Variants in MYOM1 observed in about 807,000 individuals in gnomAD.
The protein encoded by MYOM1 is myomesin-1.
Under a neutral mutation model 205.3 loss-of-function variants are expected in MYOM1, and 164 were observed. That is an observed-to-expected ratio of 0.80 (90% CI 0.70 to 0.91). The LOEUF (loss-of-function observed/expected upper bound fraction) is 0.91. Ranked by LOEUF, MYOM1 falls within the 40% of genes least tolerant of loss-of-function variation. The probability of loss-of-function intolerance (pLI) is 0.00; values close to 1 mark genes in which losing one functional copy is unlikely to be tolerated. For synonymous variants in MYOM1, 772 were observed against 789.4 expected, an observed-to-expected ratio of 0.98 and a Z score of 0.37; for missense variants, 2,011 against 2,127.3, an observed-to-expected ratio of 0.95 and a Z score of 1.08.
At position 3,090,732 on chromosome 18, in the gene MYOM1, T is replaced by C; in HGVS notation, c.3935A>G (p.Asp1312Gly). 4.3e-6 allele frequency: 7 copies of C among 1,613,968 alleles called. No homozygotes were observed. Among genetic ancestry groups the C allele is most frequent in the Non-Finnish European group, 5.9e-6 (7 of 1,179,866 alleles). Reference protein sequence around the residue: ...EMFMEKLQDEDEGTYTFQLQD... With the variant: ...EMFMEKLQDEGEGTYTFQLQD... ...AAGCTGGAAAGTGTACGTTCCCTCA[T>C]CCTCATCCTGTAGCTTTTCCATGAA... Residue 1312 changes from aspartate (D) to glycine (G), a missense_variant, in exon 27 of 38, where the codon GAT (aspartate) becomes GGT (glycine). Asp to Gly is a moderately conservative substitution (Grantham distance 94). Transcript: ENST00000356443.
At chr18:3,226,727 T>C in the MYOM1 span, among the ~76,000 whole-genome samples, 6 of 152,284 alleles carry the variant, frequency 3.9e-5, no homozygotes, top group Admixed American at 3.3e-4. This position sits in a 1 kb window ranked among gnomAD's most constrained non-coding sequence, Gnocchi z 4.6. Flanking sequence ...GGGATCTCTA[T>C]GGCTAGGTGC....
chr18:3,231,143 G>C, the MYOM1 span, among the ~76,000 whole-genome samples: 1 of 152,182 alleles, frequency 6.6e-6, no homozygotes, highest in African/African-American at 2.4e-5. Context: ...GGTCATTTCT[G>C]ATCTAAAGGT....
intron 22 of MYOM1, among the ~76,000 whole-genome samples, chr18:3,106,788 A>C (rs1427325283): frequency 6.6e-6 from 1 of 152,202 alleles, no homozygotes. Context: ...ATGCCACTGC[A>C]CTCCAGCCTG....
intron 29 of MYOM1, among the ~76,000 whole-genome samples, chr18:3,088,333 A>G (rs1399681445): frequency 1.3e-5 from 2 of 152,250 alleles, no homozygotes; most frequent in African/African-American, 4.8e-5. Flanking sequence ...TGAGGGCTTC[A>G]GCTGCTGCCA....
chr18:3,151,061 C>T (rs1011254545), intron 12 of MYOM1, among the ~76,000 whole-genome samples: 2 of 137,412 alleles, frequency 1.5e-5, no homozygotes, highest in African/African-American at 2.7e-5. Flanking sequence ...AGGTTGGTCT[C>T]AGAACTCCTA....
the MYOM1 span, among the ~76,000 whole-genome samples, chr18:3,230,174 G>T: frequency 6.6e-6 from 1 of 152,020 alleles, no homozygotes; most frequent in African/African-American, 2.4e-5. Flanking sequence ...CATTATTTGA[G>T]ACCTATTGTG....
chr18:3,071,044 C>A (rs529070090), intron 37 of MYOM1, among the ~76,000 whole-genome samples: 1 of 152,216 alleles, frequency 6.6e-6, no homozygotes, highest in African/African-American at 2.4e-5. Context: ...CAGGCGTGAG[C>A]CACTGTGCCC....
chr18:3,131,504 G>C lies in MYOM1; in HGVS notation c.2385-8C>G. ...AATCCATGACAAGTGAATCTAAAAG[G>C]AAAACAAGTTTTAAAAAATTTTCCT... On this transcript the variant is annotated splice_region_variant and splice_polypyrimidine_tract_variant and intron_variant, in intron 16 of 37. Coordinates refer to ENST00000356443, the MANE Select transcript of MYOM1 (RefSeq NM_003803.4). 1.2e-6 allele frequency: 2 copies of C among 1,607,832 alleles called. No individual in the cohort carries two copies. Among genetic ancestry groups the C allele is most frequent in the Non-Finnish European group, 1.7e-6 (2 of 1,177,538 alleles).
intron 10 of MYOM1, among the ~76,000 whole-genome samples, chr18:3,160,247 T>C (rs2080371480): frequency 6.6e-6 from 1 of 151,734 alleles, no homozygotes; most frequent in Non-Finnish European, 1.5e-5. Context: ...GAGTGCAGTG[T>C]TGCAATCACC....
At chr18:3,192,229 G>A (rs193098784) in intron 3 of MYOM1, among the ~76,000 whole-genome samples, 24 of 152,062 alleles carry the variant, frequency 1.6e-4, no homozygotes, top group South Asian at 6.2e-4. Flanking sequence ...AGATTTTACC[G>A]CTCTAGCCTA....
Position 3,189,212 on chromosome 18 carries a change from G to A in MYOM1, c.432-125C>T. 2 of 866,800 alleles carry A rather than the reference G, an allele frequency of 2.3e-6. No homozygotes were observed. Among genetic ancestry groups the A allele is most frequent in the South Asian group, 1.9e-5 (1 of 53,902 alleles). The allele number at this position is 866,800 out of a possible 1,614,324, so 53.7% of individuals were successfully genotyped here. A position where few individuals can be genotyped will look rare whatever the true frequency, so the allele number is the denominator to read the frequency against. On this transcript the variant is annotated intron_variant, in intron 3 of 37. Transcript: ENST00000356443. This position sits in a 1 kb window ranked among gnomAD's most constrained non-coding sequence, Gnocchi z 4.8. ...CTGCACCAAAAGAAAATCCGACATA[G>A]AAAAAGCAGGTGAATCAGAAGCTGA...
intron 13 of MYOM1, among the ~76,000 whole-genome samples, chr18:3,145,046 C>T (rs959950831): frequency 1.3e-4 from 20 of 152,262 alleles, no homozygotes; most frequent in Non-Finnish European, 2.6e-4. Context: ...GTGTGGCTAA[C>T]GCCTGTAATC....
chr18:3,141,825 C>T, intron 14 of MYOM1, 114 bp downstream of exon 14: 1 of 1,291,408 alleles, frequency 7.7e-7, no homozygotes. Flanking sequence ...CTAGTGAGAT[C>T]AGGACATGCT....
chr18:3,171,556 C>T (rs145865517), intron 8 of MYOM1, among the ~76,000 whole-genome samples: 23 of 152,100 alleles, frequency 1.5e-4, no homozygotes, highest in East Asian at 1.2e-3. Flanking sequence ...TTCGTTGTCA[C>T]GTCCTCAATC....
chr18:3,073,543 C>G (rs113033368), intron 36 of MYOM1, among the ~76,000 whole-genome samples: 3,887 of 152,336 alleles, frequency 0.026, 71 homozygotes, highest in Non-Finnish European at 0.042. Context: ...CTTCTGGTTT[C>G]CTGTGTGACA....
chr18:3,074,044 T>C (rs1330370906), intron 36 of MYOM1, among the ~76,000 whole-genome samples: 1 of 152,220 alleles, frequency 6.6e-6, no homozygotes, highest in Non-Finnish European at 1.5e-5. Context: ...TTTACAAACA[T>C]GGAGCTAGAA....
At position 3,213,586 on chromosome 18, in the gene MYOM1, T is replaced by C. The variant is rs577746357; in HGVS notation, c.290+1348A>G. Among the ~76,000 whole-genome samples, 5 of 152,144 alleles carry C rather than the reference T, an allele frequency of 3.3e-5. No individual in the cohort carries two copies. The East Asian group carries it at 5.8e-4, about 18-fold the overall frequency. ...ATCAGGCTGAAACAGCAGACACAGA[T>C]AAGCCAACTGCAAAGTGAACAGGAA... On this transcript the variant is annotated intron_variant, in intron 2 of 37. Transcript: ENST00000356443.
chr18:3,244,167 C>T, the MYOM1 span, among the ~76,000 whole-genome samples: 72 of 152,240 alleles, frequency 4.7e-4, no homozygotes, highest in African/African-American at 1.4e-3. Context: ...AGTATCTGTC[C>T]CGTTTGTGAA....
At position 3,067,239 on chromosome 18, in the gene MYOM1, G is replaced by T; in HGVS notation, c.*23C>A. 1.3e-6 allele frequency: 2 copies of T among 1,566,686 alleles called. No individual in the cohort carries two copies. The highest frequency in any genetic ancestry group is 1.7e-6 in the Non-Finnish European group (2 of 1,155,102). On this transcript the variant is annotated 3_prime_UTR_variant, in exon 38 of 38. Coordinates refer to ENST00000356443, the MANE Select transcript of MYOM1 (RefSeq NM_003803.4). ...ATTCACACCCAAGTCACACAGGCCGGCTGGCTCTCCTCGCACCTCCGGTCA... is the reference window on the plus strand; with the variant it reads ...ATTCACACCCAAGTCACACAGGCCGTCTGGCTCTCCTCGCACCTCCGGTCA...
Sources: gnomAD v4.1 joint callset for allele counts (sites outside exome capture counted in the v4.1 genomes callset) on GRCh38, gnomAD v4.1.1 for gene constraint, Gnocchi (gnomAD v3.1) non-coding constraint, MANE v1.5 for transcripts, NCBI Gene and HGNC (gene_info 2026-07-23, HGNC 2026-07-21) for gene names.